The following ANKRD55 variants were observed in gnomAD, a reference collection of about 807,000 sequenced individuals.
ANKRD55 encodes ankyrin repeat domain 55, also known as ankyrin repeat domain-containing protein 55.
Under a neutral mutation model 60.6 loss-of-function variants are expected in ANKRD55, and 41 were observed. The observed-to-expected ratio is 0.68, with a 90% CI of 0.53 to 0.88. The LOEUF is 0.88. Among genes scored for constraint, ANKRD55 ranks in the 40% least tolerant of loss-of-function variants. The pLI, the probability that ANKRD55 is intolerant of heterozygous loss-of-function variation, is 0.00. For synonymous variants in ANKRD55, 264 were observed against 290.3 expected (o/e 0.91, Z 0.92); for missense variants, 732 against 767.6 (o/e 0.95, Z 0.55).
intron 1 of ANKRD55, 87 bp from the exon 2 acceptor site, chr5:56,233,033 T>A: frequency 1.1e-6 from 1 of 884,218 alleles, no homozygotes; most frequent in Admixed American, 2.0e-5. Flanking sequence ...TGTTTCAGGA[T>A]TAAATGTGCA....
chr5:56,115,962 C>G (rs1756872382), intron 9 of ANKRD55, among the ~76,000 whole-genome samples: 1 of 151,964 alleles, frequency 6.6e-6, no homozygotes, highest in Admixed American at 6.6e-5. Flanking sequence ...TCAAGCTATT[C>G]TCTTGCCTCA....
At chr5:56,175,956 T>G (rs1422114454) in intron 4 of ANKRD55, among the ~76,000 whole-genome samples, 196 bp downstream of exon 4, 1 of 152,178 alleles carries the variant, frequency 6.6e-6, no homozygotes, top group Non-Finnish European at 1.5e-5. Context: ...GTTAGGAAGA[T>G]CCAAAATGGC....
intron 3 of ANKRD55, among the ~76,000 whole-genome samples, chr5:56,178,948 T>G (rs1236067003): frequency 1.5e-5 from 2 of 133,078 alleles, no homozygotes; most frequent in Admixed American, 7.3e-5. Context: ...TTGGTTAAAG[T>G]ATAAGTTGGG....
intron 3 of ANKRD55, among the ~76,000 whole-genome samples, chr5:56,177,942 T>C (rs1758772209): frequency 2.6e-5 from 4 of 152,194 alleles, no homozygotes; most frequent in Admixed American, 2.6e-4. Flanking sequence ...TGGATGTCCA[T>C]GTTATAATTT....
chr5:56,173,574 CTCTCTCTCTATATA>C (rs1365699475), intron 4 of ANKRD55, among the ~76,000 whole-genome samples: 36 of 98,310 alleles, frequency 3.7e-4, no homozygotes, highest in African/African-American at 1.4e-3. Context: ...CTCTCTCTCT[CTCTCTCTCTATATA>C]TATATATATA....
In ANKRD55 at chr5:56,208,514, T is replaced by G. The variant is rs961274575; in HGVS notation, c.58+24342A>C. On this transcript the variant is annotated intron_variant, in intron 2 of 11. Coordinates refer to ENST00000341048, the MANE Select transcript of ANKRD55 (RefSeq NM_024669.3). ...ATCTCGGCTCACTGTAACCTCCACC[T>G]CCTGGGTTCAAGCAATTCTCCTGGC... is the stretch of plus-strand genomic sequence containing the variant. Among the ~76,000 whole-genome samples, 10 of 152,232 alleles carry G rather than the reference T, an allele frequency of 6.6e-5. No individual in the cohort carries two copies. In the South Asian group the frequency reaches 2.1e-3, roughly 32 times the overall value.
chr5:56,172,323 C>T (rs549945765), intron 4 of ANKRD55, among the ~76,000 whole-genome samples: 1 of 152,210 alleles, frequency 6.6e-6, no homozygotes, highest in East Asian at 1.9e-4. Flanking sequence ...ATTTTTCTGG[C>T]ATTTCCAGTC....
In ANKRD55 at chr5:56,143,792, A is replaced by G. The variant is rs766339156; in HGVS notation, c.612+9T>C. On this transcript the variant is annotated intron_variant, in intron 7 of 11. Coordinates refer to ENST00000341048, the MANE Select transcript of ANKRD55 (RefSeq NM_024669.3). ...AAACCTGAGACCAGTCCACAGGTCA[A>G]TTTCTCACCTGGACTGCCCAGTGGA... 1.9e-5 allele frequency: 30 copies of G among 1,614,050 alleles called. No individual in the cohort carries two copies. The highest frequency in any genetic ancestry group is 8.5e-7 in the Non-Finnish European group (1 of 1,180,024).
intron 2 of ANKRD55, among the ~76,000 whole-genome samples, chr5:56,188,755 C>T (rs756103144): frequency 6.6e-6 from 1 of 152,138 alleles, no homozygotes; most frequent in Non-Finnish European, 1.5e-5. Context: ...TAATGTGATG[C>T]CTCCAGCTTA....
chr5:56,130,258 A>G (rs1757374494), intron 7 of ANKRD55, among the ~76,000 whole-genome samples: 1 of 152,210 alleles, frequency 6.6e-6, no homozygotes, highest in East Asian at 1.9e-4. Flanking sequence ...CTAGTTAACC[A>G]GAGCCTAATC....
chr5:56,121,169 C>T (rs1359212362), intron 8 of ANKRD55, among the ~76,000 whole-genome samples: 2 of 152,012 alleles, frequency 1.3e-5, no homozygotes, highest in Non-Finnish European at 2.9e-5. Context: ...CCTATACACC[C>T]ATTGTATAAA....
At chr5:56,179,872 T>C (rs1308524145) in intron 3 of ANKRD55, among the ~76,000 whole-genome samples, 1 of 152,260 alleles carries the variant, frequency 6.6e-6, no homozygotes, top group African/African-American at 2.4e-5. Context: ...GAGTGTTTAT[T>C]ATGTATCAGG....
chr5:56,157,881 T>G (rs950151795), intron 6 of ANKRD55, among the ~76,000 whole-genome samples: 4 of 152,154 alleles, frequency 2.6e-5, no homozygotes, highest in Non-Finnish European at 4.4e-5. Context: ...TTCTATACTT[T>G]GTCTCTGTGT....
intron 2 of ANKRD55, among the ~76,000 whole-genome samples, chr5:56,193,847 A>C (rs543522523): frequency 6.6e-6 from 1 of 152,214 alleles, no homozygotes; most frequent in Non-Finnish European, 1.5e-5. Context: ...ATATAAAAAT[A>C]TATCTATATA....
chr5:56,184,415 C>G (rs1475864535), intron 2 of ANKRD55, among the ~76,000 whole-genome samples: 1 of 152,200 alleles, frequency 6.6e-6, no homozygotes, highest in East Asian at 1.9e-4. Flanking sequence ...TTCAGCATCC[C>G]TAGTTCATTC....
In ANKRD55 at chr5:56,233,005, A is replaced by T. The variant is rs546095462; in HGVS notation, c.-33-59T>A. The stretch of plus-strand genomic sequence containing the variant: ...TGTCAACATGACAGTCAGAGGCAGC[A>T]TCGTTTGCCAAGACCTCTGTTTCAG... On this transcript the variant is annotated intron_variant, in intron 1 of 11. Transcript: ENST00000341048. The T allele has an allele frequency of 2.1e-5, 26 of 1,219,112 alleles. 1 individual carries two copies. The South Asian group carries it at 2.4e-4, about 11-fold the overall frequency. The allele number at this position is 1,219,112 out of a possible 1,614,324, so 75.5% of individuals were successfully genotyped here.
intron 10 of ANKRD55, among the ~76,000 whole-genome samples, chr5:56,109,062 C>T (rs972538642): frequency 6.6e-6 from 1 of 151,716 alleles, no homozygotes; most frequent in African/African-American, 2.4e-5. Context: ...CACACACACA[C>T]ACACACACAC....
Position 56,126,944 on chromosome 5 carries a change from G to A in ANKRD55, c.775C>T (p.Gln259Ter). Residue 259 changes from glutamine to a stop codon, truncating the protein, a stop_gained, in exon 8 of 12, where the codon CAG (glutamine) becomes TAG (stop). Transcript: ENST00000341048. LOFTEE classifies it high-confidence loss of function. Reference protein sequence around the residue: ...ELARVPECNLQALDVDDRTPL... With the variant: ...ELARVPECNL ...TACCTGTCATCCACATCCAGAGCCT[G>A]CAGGTTACACTCAGGGACTCTTGCC... 1 of 1,611,982 alleles carries A rather than the reference G, an allele frequency of 6.2e-7. No homozygotes were observed. Among genetic ancestry groups the A allele is most frequent in the African/African-American group, 1.3e-5 (1 of 74,980 alleles).
chr5:56,198,691 A>G (rs193093339), intron 2 of ANKRD55, among the ~76,000 whole-genome samples: 20 of 152,342 alleles, frequency 1.3e-4, no homozygotes, highest in Admixed American at 3.3e-4. Context: ...TCTTCTTTAT[A>G]GTAGGCCTGA....
Sources: allele counts gnomAD v4.1 joint callset (sites outside exome capture counted in the v4.1 genomes callset), GRCh38; gene constraint gnomAD v4.1.1; transcripts MANE v1.5; gene names NCBI Gene and HGNC (gene_info 2026-07-23, HGNC 2026-07-21).